Variants in ASIC2 observed in about 807,000 individuals in gnomAD.
ASIC2 encodes acid-sensing ion channel 2.
Under a neutral mutation model 57.3 loss-of-function variants are expected in ASIC2, and 25 were observed. The ratio of observed to expected loss-of-function variants is 0.44; its 90% confidence interval spans 0.32 to 0.61. ASIC2 has a LOEUF of 0.61. Among genes scored for constraint, ASIC2 ranks in the 20% least tolerant of loss-of-function variants. ASIC2 has a pLI of 0.06. For missense variants in ASIC2, 641 were observed against 738.1 expected, an observed-to-expected ratio of 0.87 and a Z score of 1.52; for synonymous variants, 319 against 307.5, an observed-to-expected ratio of 1.04 and a Z score of -0.39.
At chr17:34,039,019 C>T in intron 1 of ASIC2, 3 of 1,614,198 alleles carry the variant, frequency 1.9e-6, no homozygotes, top group African/African-American at 1.3e-5. Flanking sequence ...CTTATCTCTA[C>T]ACGCCATCTT....
chr17:33,569,836 G>A (rs1480798937), intron 1 of ASIC2, among the ~76,000 whole-genome samples: 1 of 152,178 alleles, frequency 6.6e-6, no homozygotes, highest in Admixed American at 6.5e-5. Context: ...CTGACTGGCT[G>A]TCATGTGTCG....
chr17:33,575,240 G>A (rs1916581375), intron 1 of ASIC2, among the ~76,000 whole-genome samples: 1 of 152,162 alleles, frequency 6.6e-6, no homozygotes, highest in East Asian at 1.9e-4. Context: ...CTCATATGAA[G>A]GTAGAGATGC....
intron 1 of ASIC2, among the ~76,000 whole-genome samples, chr17:33,801,476 G>C (rs1160186831): frequency 6.6e-6 from 1 of 152,102 alleles, no homozygotes; most frequent in Non-Finnish European, 1.5e-5. Flanking sequence ...TTTATGGTTT[G>C]GGTGGAGTCA....
At chr17:33,285,506 CT>C (rs1415549269) in intron 1 of ASIC2, among the ~76,000 whole-genome samples, 1 of 152,236 alleles carries the variant, frequency 6.6e-6, no homozygotes. Context: ...GAATACAGAA[CT>C]TTTCAGCTAA....
intron 1 of ASIC2, chr17:34,082,221 T>C (rs1909911558): frequency 6.6e-6 from 1 of 152,224 alleles, no homozygotes; most frequent in African/African-American, 2.4e-5. Context: ...TCTCTCTGAA[T>C]GCTCCACTCT....
intron 1 of ASIC2, among the ~76,000 whole-genome samples, chr17:33,123,180 T>C (rs1285194268): frequency 6.6e-6 from 1 of 152,204 alleles, no homozygotes; most frequent in Non-Finnish European, 1.5e-5. Context: ...GCTGAAGAGA[T>C]GTCTGCACTC....
At position 33,774,565 on chromosome 17, in the gene ASIC2, G is replaced by A. The variant is rs1374747744; in HGVS notation, c.555+381413C>T. ...GAAAAAAGAAGGAAGGAGAAAGGGG[G>A]AAAGGAGCATATCTGCATCTGGAAA... is the stretch of plus-strand genomic sequence containing the variant. On this transcript the variant is annotated intron_variant, in intron 1 of 9. Coordinates refer to the ASIC2 transcript ENST00000359872. 3.9e-5 allele frequency among the ~76,000 whole-genome samples: 6 copies of A among 152,312 alleles called. No homozygotes were observed. The East Asian group carries it at 9.6e-4, about 24-fold the overall frequency.
chr17:33,876,268 C>T (rs558834740), intron 1 of ASIC2, among the ~76,000 whole-genome samples: 54 of 152,094 alleles, frequency 3.6e-4, no homozygotes, highest in Non-Finnish European at 6.5e-4. Context: ...AGAAGTTATG[C>T]GAAGAGAAGA....
chr17:33,390,775 G>A (rs1567845602), intron 1 of ASIC2, among the ~76,000 whole-genome samples: 2 of 152,234 alleles, frequency 1.3e-5, no homozygotes, highest in South Asian at 2.1e-4. Context: ...CATGCAAGAC[G>A]AGAGCCTCAG....
At chr17:34,145,148 T>G (rs1359361638) in intron 1 of ASIC2, among the ~76,000 whole-genome samples, 1 of 152,208 alleles carries the variant, frequency 6.6e-6, no homozygotes, top group East Asian at 1.9e-4. Flanking sequence ...CTTCAATCCT[T>G]GGCTTCCACC....
chr17:33,752,960 AC>A (rs1390673621), intron 1 of ASIC2, among the ~76,000 whole-genome samples: 3 of 152,248 alleles, frequency 2.0e-5, no homozygotes, highest in Non-Finnish European at 4.4e-5. Flanking sequence ...ATTTCCCCAA[AC>A]AAGTTAAAAA....
At chr17:33,330,360 A>G in intron 1 of ASIC2, among the ~76,000 whole-genome samples, 1 of 152,180 alleles carries the variant, frequency 6.6e-6, no homozygotes, top group East Asian at 1.9e-4. Flanking sequence ...GGCCTCTTGC[A>G]GGACTGCAGG....
intron 1 of ASIC2, among the ~76,000 whole-genome samples, chr17:33,588,310 G>A (rs572870773): frequency 6.6e-6 from 1 of 152,292 alleles, no homozygotes; most frequent in Non-Finnish European, 1.5e-5. Flanking sequence ...GTTCTTGTTT[G>A]TCTGTTGCTC....
intron 1 of ASIC2, among the ~76,000 whole-genome samples, chr17:33,986,194 G>A (rs1191294939): frequency 2.0e-5 from 3 of 151,556 alleles, no homozygotes; most frequent in African/African-American, 4.9e-5. Context: ...AGCTCCATGA[G>A]AACAGGAATC....
chr17:34,073,351 T>C (rs1909497455), intron 1 of ASIC2, among the ~76,000 whole-genome samples: 1 of 152,216 alleles, frequency 6.6e-6, no homozygotes, highest in South Asian at 2.1e-4. Flanking sequence ...GGGCTAGATA[T>C]AGCCCACAAG....
intron 1 of ASIC2, among the ~76,000 whole-genome samples, chr17:34,052,186 T>G (rs907032465): frequency 6.6e-6 from 1 of 152,080 alleles, no homozygotes; most frequent in Non-Finnish European, 1.5e-5. Context: ...AGATGAAAAA[T>G]GTTGGAGCAG....
chr17:33,708,552 G>A (rs1320477831), intron 1 of ASIC2, among the ~76,000 whole-genome samples: 2 of 152,126 alleles, frequency 1.3e-5, no homozygotes, highest in African/African-American at 4.8e-5. Context: ...CAGCTCTGAA[G>A]CCAAGATCTC....
At chr17:33,470,551 T>G (rs900498152) in intron 1 of ASIC2, among the ~76,000 whole-genome samples, 1 of 152,230 alleles carries the variant, frequency 6.6e-6, no homozygotes, top group African/African-American at 2.4e-5. Context: ...AGGCCTGAGA[T>G]TCTGCATTTC....
intron 1 of ASIC2, among the ~76,000 whole-genome samples, chr17:33,403,811 C>T (rs756986995): frequency 1.3e-5 from 2 of 152,148 alleles, no homozygotes; most frequent in Non-Finnish European, 2.9e-5. Context: ...TCTGGGTGAA[C>T]AGTTTACAGG....
Sources: allele counts gnomAD v4.1 joint callset (sites outside exome capture counted in the v4.1 genomes callset), GRCh38; gene constraint gnomAD v4.1.1; transcripts MANE v1.5; gene names NCBI Gene and HGNC (gene_info 2026-07-23, HGNC 2026-07-21).